Variants in EDNRA observed in about 807,000 individuals in gnomAD.
The protein encoded by EDNRA is endothelin-1 receptor.
A neutral mutation model predicts 41.4 loss-of-function variants in EDNRA; 11 were observed. The observed-to-expected ratio is 0.27, with a 90% CI of 0.17 to 0.44. The LOEUF is 0.44. EDNRA is among the 20% of genes least tolerant of loss of function. EDNRA has a pLI of 1.00. For synonymous variants in EDNRA, 172 were observed against 183.0 expected (o/e 0.94, Z 0.49); for missense variants, 294 against 531.0 (o/e 0.55, Z 4.39).
At chr4:147,527,865 T>C (rs1288757255) in intron 3 of EDNRA, among the ~76,000 whole-genome samples, 4 of 152,196 alleles carry the variant, frequency 2.6e-5, no homozygotes, top group Non-Finnish European at 4.4e-5. Flanking sequence ...CCAGGTTCAC[T>C]GGAGACCAGG....
At chr4:147,515,997 T>C (rs1405051544) in intron 2 of EDNRA, among the ~76,000 whole-genome samples, 3 of 152,230 alleles carry the variant, frequency 2.0e-5, no homozygotes, top group African/African-American at 7.2e-5. Flanking sequence ...CTCTGCTGTT[T>C]AGAAGAGCTT....
chr4:147,495,886 T>C (rs1281100311), intron 2 of EDNRA: 2 of 152,234 alleles, frequency 1.3e-5, no homozygotes, highest in Non-Finnish European at 2.9e-5. Flanking sequence ...ACAGATGACA[T>C]TTGTGGATAT....
chr4:147,517,740 C>G (rs745907325), intron 2 of EDNRA, among the ~76,000 whole-genome samples: 2 of 152,094 alleles, frequency 1.3e-5, no homozygotes, highest in Non-Finnish European at 2.9e-5. Flanking sequence ...TTTTTTGCTT[C>G]CCACTGATTC....
intron 3 of EDNRA, among the ~76,000 whole-genome samples, chr4:147,528,225 G>A (rs560141090): frequency 2.6e-5 from 4 of 152,180 alleles, no homozygotes; most frequent in South Asian, 4.1e-4. Context: ...GCATGAAAAC[G>A]CCAACAAAAA....
intron 3 of EDNRA, among the ~76,000 whole-genome samples, chr4:147,527,720 TAACA>T (rs1175216038): frequency 6.6e-6 from 1 of 152,206 alleles, no homozygotes; most frequent in Non-Finnish European, 1.5e-5. Context: ...GCACACGCAC[TAACA>T]AACATCTTTA....
intron 7 of EDNRA, 48 bp downstream of exon 7, chr4:147,540,533 T>C: frequency 7.4e-7 from 1 of 1,356,860 alleles, no homozygotes; most frequent in Non-Finnish European, 1.0e-6. Flanking sequence ...AATGAGTATA[T>C]TAAACAGTCA....
chr4:147,509,016 G>A (rs1447831382), intron 2 of EDNRA, among the ~76,000 whole-genome samples: 1 of 152,160 alleles, frequency 6.6e-6, no homozygotes, highest in African/African-American at 2.4e-5. Flanking sequence ...CCCTTTAGGT[G>A]AATTTGGGGA....
chr4:147,516,655 G>A (rs1730126038), intron 2 of EDNRA, among the ~76,000 whole-genome samples: 1 of 152,090 alleles, frequency 6.6e-6, no homozygotes, highest in Non-Finnish European at 1.5e-5. Flanking sequence ...CTGATCTGAG[G>A]TGCCTGATTA....
At chr4:147,496,023 T>C (rs1309743940) in intron 2 of EDNRA, 6 of 152,246 alleles carry the variant, frequency 3.9e-5, no homozygotes, top group African/African-American at 1.2e-4. Context: ...TAATTCCTAA[T>C]TTTAAAAGCA....
At chr4:147,525,256 A>G (rs1044844610) in intron 3 of EDNRA, among the ~76,000 whole-genome samples, 1 of 152,248 alleles carries the variant, frequency 6.6e-6, no homozygotes, top group African/African-American at 2.4e-5. Flanking sequence ...GAGAGAAAGC[A>G]CATGATTTCT....
Position 147,542,976 on chromosome 4 carries a change from AATGT to A in EDNRA, c.*359_*362del. Reference sequence around the variant, plus strand: ...GCTAGCTTTTATGGCAGTTCTGGTGAATGTTCAATGGGAACTGGTCACCATGAAA... The same window carrying A: ...GCTAGCTTTTATGGCAGTTCTGGTGATCAATGGGAACTGGTCACCATGAAA... On this transcript the variant is annotated 3_prime_UTR_variant, in exon 8 of 8. Coordinates refer to ENST00000651419, the MANE Select transcript of EDNRA (RefSeq NM_001957.4). 6.1e-6 allele frequency: 1 copy of A among 164,280 alleles called. No individual in the cohort carries two copies. 10.2% of individuals were successfully genotyped at this position (164,280 alleles called of 1,614,324 possible).
chr4:147,493,903 A>G (rs879712838), intron 2 of EDNRA: 1 of 152,222 alleles, frequency 6.6e-6, no homozygotes, highest in African/African-American at 2.4e-5. Flanking sequence ...GGAGCCTAAA[A>G]TCAAATGTGC....
chr4:147,542,698 C>G lies in EDNRA; in HGVS notation c.*80C>G. The stretch of plus-strand genomic sequence containing the variant: ...ACAAGGCAACTGTGAGTCCGGGAAT[C>G]TCTTCTCTGATCCTTCTTCCTTAAT... On this transcript the variant is annotated 3_prime_UTR_variant, in exon 8 of 8. Coordinates refer to ENST00000651419, the MANE Select transcript of EDNRA (RefSeq NM_001957.4). The G allele has an allele frequency of 6.5e-7, 1 of 1,537,160 alleles. No individual in the cohort carries two copies. Among genetic ancestry groups the G allele is most frequent in the Non-Finnish European group, 8.8e-7 (1 of 1,135,570 alleles).
At chr4:147,487,056 G>A (rs1327988389) in intron 2 of EDNRA, among the ~76,000 whole-genome samples, 21 of 152,086 alleles carry the variant, frequency 1.4e-4, no homozygotes. Context: ...GTGCAGGCAC[G>A]TAACATGGCA....
chr4:147,501,042 GA>G (rs1026601374), intron 2 of EDNRA, among the ~76,000 whole-genome samples: 2 of 152,178 alleles, frequency 1.3e-5, no homozygotes, highest in African/African-American at 4.8e-5. Flanking sequence ...TTGTGGTTTT[GA>G]AATTCTTTAC....
At chr4:147,542,347 T>A in intron 7 of EDNRA, 131 bp from the exon 8 acceptor site, 1 of 1,259,442 alleles carries the variant, frequency 7.9e-7, no homozygotes, top group Non-Finnish European at 1.1e-6. Context: ...CCACTCTAGG[T>A]TACTGTCAAG....
chr4:147,536,567 A>G lies in EDNRA; in HGVS notation c.900+538A>G, dbSNP rs139809499. Among the ~76,000 whole-genome samples, 21 of 152,314 alleles carry G rather than the reference A, an allele frequency of 1.4e-4. No individual in the cohort carries two copies. In the East Asian group the frequency reaches 4.0e-3, roughly 29 times the overall value. Reference sequence around the variant, plus strand: ...GGGATTTGATGGGGAAGAAGTTGACAGAGAGCATTTCAGGTGGAAGAACAG... The same window carrying G: ...GGGATTTGATGGGGAAGAAGTTGACGGAGAGCATTTCAGGTGGAAGAACAG... On this transcript the variant is annotated intron_variant, in intron 5 of 7. Transcript: ENST00000651419.
chr4:147,531,778 G>C (rs1252172374), intron 3 of EDNRA: 3 of 151,784 alleles, frequency 2.0e-5, no homozygotes, highest in African/African-American at 7.3e-5. Context: ...AGGCCAAGGC[G>C]GTCAGATCAC....
At chr4:147,529,846 AT>A (rs1730683437) in intron 3 of EDNRA, among the ~76,000 whole-genome samples, 1 of 152,164 alleles carries the variant, frequency 6.6e-6, no homozygotes, top group Non-Finnish European at 1.5e-5. Flanking sequence ...CCCCACCTCC[AT>A]TATCACAAAT....
Sources: gnomAD v4.1 joint callset for allele counts (sites outside exome capture counted in the v4.1 genomes callset) on GRCh38, gnomAD v4.1.1 for gene constraint, MANE v1.5 for transcripts, NCBI Gene and HGNC (gene_info 2026-07-23, HGNC 2026-07-21) for gene names.